The following BMERB1 variants were observed in gnomAD, a reference collection of about 807,000 sequenced individuals.
BMERB1 encodes bMERB domain-containing protein 1.
A neutral mutation model predicts 23.6 loss-of-function variants in BMERB1; 12 were observed. The observed-to-expected ratio is 0.51, with a 90% confidence interval of 0.33 to 0.82. BMERB1 has a LOEUF of 0.82. BMERB1 is among the 40% of genes least tolerant of loss of function. BMERB1 has a pLI of 0.03. For synonymous variants in BMERB1, 122 were observed against 96.6 expected, an observed-to-expected ratio of 1.26 and a Z score of -1.54; for missense variants, 247 against 255.4, an observed-to-expected ratio of 0.97 and a Z score of 0.22.
At chr16:15,537,489 G>A (rs2052036387) in intron 2 of BMERB1, among the ~76,000 whole-genome samples, 1 of 151,852 alleles carries the variant, frequency 6.6e-6, no homozygotes, top group African/African-American at 2.4e-5. Context: ...CAGTAGCGGG[G>A]ATTACAGGTG....
intron 1 of BMERB1, among the ~76,000 whole-genome samples, chr16:15,469,760 ATG>A (rs2051213612): frequency 6.6e-6 from 1 of 152,196 alleles, no homozygotes; most frequent in Non-Finnish European, 1.5e-5. Context: ...ATAAATGGTA[ATG>A]TGTCTTTAAT....
At chr16:15,501,662 C>T (rs573947827) in intron 1 of BMERB1, among the ~76,000 whole-genome samples, 37 of 152,164 alleles carry the variant, frequency 2.4e-4, no homozygotes, top group Non-Finnish European at 4.1e-4. Context: ...TTTAGGAAGA[C>T]GGGCTTTCGC....
At chr16:15,517,625 C>G (rs1336154479) in intron 2 of BMERB1, among the ~76,000 whole-genome samples, 54 of 151,560 alleles carry the variant, frequency 3.6e-4, no homozygotes, top group Non-Finnish European at 1.5e-5. Flanking sequence ...TTTAAAAATA[C>G]AAATACAAAT....
chr16:15,554,691 G>A (rs1349192920), intron 2 of BMERB1, among the ~76,000 whole-genome samples: 3 of 149,614 alleles, frequency 2.0e-5, no homozygotes, highest in Non-Finnish European at 4.4e-5. Flanking sequence ...TTTTTAGATG[G>A]TGTCTCGCTC....
chr16:15,469,163 A>C (rs1193091723), intron 1 of BMERB1, among the ~76,000 whole-genome samples: 1 of 151,732 alleles, frequency 6.6e-6, no homozygotes, highest in Non-Finnish European at 1.5e-5. Flanking sequence ...ACAGGGTTTC[A>C]CCATGCTGGC....
intron 1 of BMERB1, among the ~76,000 whole-genome samples, chr16:15,514,841 G>A (rs556407941): frequency 6.6e-6 from 1 of 152,300 alleles, no homozygotes; most frequent in East Asian, 1.9e-4. Context: ...AGCACTTTGG[G>A]AGGCCGAGGC....
chr16:15,525,090 C>G (rs2051893498), intron 2 of BMERB1, among the ~76,000 whole-genome samples: 1 of 152,192 alleles, frequency 6.6e-6, no homozygotes, highest in South Asian at 2.1e-4. Flanking sequence ...ATGAAATTAA[C>G]ATTTGAATTG....
intron 2 of BMERB1, among the ~76,000 whole-genome samples, chr16:15,554,961 C>T (rs995593990): frequency 1.3e-5 from 2 of 152,172 alleles, no homozygotes; most frequent in African/African-American, 4.8e-5. Flanking sequence ...CCACCGTGCC[C>T]GGCCAGGAGC....
At chr16:15,440,292 A>G (rs2050928972) in intron 1 of BMERB1, among the ~76,000 whole-genome samples, 1 of 151,658 alleles carries the variant, frequency 6.6e-6, no homozygotes, top group African/African-American at 2.4e-5. Context: ...ATAGTGCTGG[A>G]AATAAATGCT....
At chr16:15,496,747 C>G (rs920565714) in intron 1 of BMERB1, among the ~76,000 whole-genome samples, 1 of 152,084 alleles carries the variant, frequency 6.6e-6, no homozygotes, top group African/African-American at 2.4e-5. Flanking sequence ...ACCATGTTAG[C>G]CAGGATGGTC....
At chr16:15,487,047 A>C (rs1223408876) in intron 1 of BMERB1, among the ~76,000 whole-genome samples, 4 of 152,242 alleles carry the variant, frequency 2.6e-5, no homozygotes, top group Non-Finnish European at 5.9e-5. Flanking sequence ...CAGATTATTC[A>C]AAATATAGAA....
At chr16:15,567,815 G>A (rs1378988329) in intron 2 of BMERB1, among the ~76,000 whole-genome samples, 168 bp from the exon 3 acceptor site, 3 of 152,186 alleles carry the variant, frequency 2.0e-5, no homozygotes, top group Non-Finnish European at 4.4e-5. Flanking sequence ...TGGGATAATT[G>A]AGCAGTGTTT....
chr16:15,565,149 G>A (rs2030528890), intron 2 of BMERB1, among the ~76,000 whole-genome samples: 2 of 152,040 alleles, frequency 1.3e-5, no homozygotes, highest in African/African-American at 2.4e-5. Flanking sequence ...TGGCACTGCT[G>A]AAAGGAGTCA....
At chr16:15,583,870 CAT>C (rs891895323) in intron 5 of BMERB1, 1 of 607,322 alleles carries the variant, frequency 1.6e-6, no homozygotes, top group African/African-American at 1.9e-5. Flanking sequence ...TGGGGCCCTA[CAT>C]TTTCATATTG....
intron 2 of BMERB1, among the ~76,000 whole-genome samples, chr16:15,531,966 T>C (rs973520249): frequency 1.3e-5 from 2 of 152,208 alleles, no homozygotes; most frequent in African/African-American, 4.8e-5. Context: ...TTAGCAGAGC[T>C]GCCTTGGTGT....
chr16:15,545,217 C>T (rs2052122428), intron 2 of BMERB1, among the ~76,000 whole-genome samples: 1 of 152,128 alleles, frequency 6.6e-6, no homozygotes, highest in African/African-American at 2.4e-5. Context: ...AAGTGATCCA[C>T]CTGCCTCGGC....
chr16:15,512,279 G>A (rs1234622066), intron 1 of BMERB1, among the ~76,000 whole-genome samples: 1 of 152,128 alleles, frequency 6.6e-6, no homozygotes, highest in Non-Finnish European at 1.5e-5. Context: ...TCCCACAGGT[G>A]GACAAATGCA....
At chr16:15,585,731 G>A (rs2031124580) in intron 5 of BMERB1, among the ~76,000 whole-genome samples, 1 of 152,138 alleles carries the variant, frequency 6.6e-6, no homozygotes, top group Non-Finnish European at 1.5e-5. Context: ...TCAGGAGGCT[G>A]AGCAGGAGAA....
At chr16:15,547,051 C>T (rs562146297) in intron 2 of BMERB1, among the ~76,000 whole-genome samples, 365 of 145,740 alleles carry the variant, frequency 2.5e-3, no homozygotes, top group Non-Finnish European at 4.5e-3. Context: ...CTCGCTCTGT[C>T]GCCCAGGCTG....
Sources: allele counts gnomAD v4.1 joint callset (sites outside exome capture counted in the v4.1 genomes callset), GRCh38; gene constraint gnomAD v4.1.1; transcripts MANE v1.5; gene names NCBI Gene and HGNC (gene_info 2026-07-23, HGNC 2026-07-21).